The following ZCWPW2 variants were observed in gnomAD, a reference collection of about 807,000 sequenced individuals.
ZCWPW2 encodes the protein zinc finger CW-type and PWWP domain containing 2.
A neutral mutation model predicts 46.6 loss-of-function variants in ZCWPW2; 45 were observed. That is an observed-to-expected ratio of 0.96 (90% CI 0.76 to 1.24). ZCWPW2 has a LOEUF of 1.24. Among genes scored for constraint, ZCWPW2 ranks in the 50% most tolerant of loss-of-function variants. ZCWPW2 has a pLI of 0.00. For synonymous variants in ZCWPW2, 152 were observed against 137.1 expected (o/e 1.11, Z -0.76); for missense variants, 429 against 403.9 (o/e 1.06, Z -0.53).
At chr3:28,406,511 T>C (rs1208469131) in intron 2 of ZCWPW2, among the ~76,000 whole-genome samples, 2 of 152,216 alleles carry the variant, frequency 1.3e-5, no homozygotes, top group Non-Finnish European at 2.9e-5. Flanking sequence ...AACTACATCA[T>C]GACTTTGAGA....
At position 28,370,867 on chromosome 3, in the gene ZCWPW2, G is replaced by A. The variant is rs974826942; in HGVS notation, c.-133-19631G>A. 4.6e-4 allele frequency among the ~76,000 whole-genome samples: 70 copies of A among 151,994 alleles called. 1 individual carries two copies. The highest frequency in any genetic ancestry group is 7.5e-4 in the Non-Finnish European group (51 of 67,984). On this transcript the variant is annotated intron_variant, in intron 1 of 9. Coordinates refer to ENST00000383768, the MANE Select transcript of ZCWPW2 (RefSeq NM_001040432.4). Reference sequence around the variant, plus strand: ...CCTGCCTCAGCCTCCTGAGTAGCTGGGATTACAGGCATGCACCACCATGCC... The same window carrying A: ...CCTGCCTCAGCCTCCTGAGTAGCTGAGATTACAGGCATGCACCACCATGCC...
At chr3:28,472,617 A>T (rs1017069699) in intron 4 of ZCWPW2, among the ~76,000 whole-genome samples, 1 of 152,214 alleles carries the variant, frequency 6.6e-6, no homozygotes, top group Non-Finnish European at 1.5e-5. Context: ...CTATGAAACT[A>T]CTACAAGAAA....
intron 4 of ZCWPW2, among the ~76,000 whole-genome samples, chr3:28,475,945 C>G (rs745906533): frequency 1.3e-5 from 2 of 152,048 alleles, no homozygotes; most frequent in African/African-American, 2.4e-5. Flanking sequence ...TATATATTGT[C>G]TCTTCTCATA....
At chr3:28,405,396 T>C (rs1696119205) in intron 2 of ZCWPW2, among the ~76,000 whole-genome samples, 1 of 152,034 alleles carries the variant, frequency 6.6e-6, no homozygotes, top group Non-Finnish European at 1.5e-5. Flanking sequence ...AATGTGATAG[T>C]GGATTTAGGG....
intron 6 of ZCWPW2, among the ~76,000 whole-genome samples, chr3:28,511,929 A>T (rs1700437086): frequency 6.6e-6 from 1 of 152,026 alleles, no homozygotes; most frequent in Admixed American, 6.6e-5. Flanking sequence ...AAAAATTGTA[A>T]TTTTTTTCAT....
chr3:28,380,967 TATA>T (rs1309017156), intron 1 of ZCWPW2, among the ~76,000 whole-genome samples: 9 of 33,444 alleles, frequency 2.7e-4, no homozygotes, highest in African/African-American at 4.2e-4. Flanking sequence ...TATATATATA[TATA>T]TTTGGTATAT....
chr3:28,370,535 G>A (rs1705292633), intron 1 of ZCWPW2, among the ~76,000 whole-genome samples: 1 of 152,150 alleles, frequency 6.6e-6, no homozygotes, highest in South Asian at 2.1e-4. Context: ...ACTATTAGAA[G>A]TCATGATAAT....
At chr3:28,362,311 TAAA>T (rs35735071) in intron 1 of ZCWPW2, among the ~76,000 whole-genome samples, 1 of 151,824 alleles carries the variant, frequency 6.6e-6, no homozygotes, top group Non-Finnish European at 1.5e-5. Flanking sequence ...ATTATATTAT[TAAA>T]AAAATAGTTC....
chr3:28,368,720 G>A (rs1705210697), intron 1 of ZCWPW2, among the ~76,000 whole-genome samples: 1 of 152,096 alleles, frequency 6.6e-6, no homozygotes, highest in Admixed American at 6.6e-5. Context: ...TGCTAGATTG[G>A]GGAAGTTCTC....
intron 4 of ZCWPW2, among the ~76,000 whole-genome samples, chr3:28,462,188 C>T (rs542321255): frequency 6.6e-6 from 1 of 152,204 alleles, no homozygotes; most frequent in African/African-American, 2.4e-5. Context: ...AATAGCAAGA[C>T]AGAGAAGATA....
chr3:28,391,572 G>A (rs992029032), intron 2 of ZCWPW2, among the ~76,000 whole-genome samples: 3 of 152,158 alleles, frequency 2.0e-5, no homozygotes, highest in African/African-American at 7.2e-5. Flanking sequence ...CAAAAGAAGG[G>A]CAGGGGCTAC....
At chr3:28,517,062 A>C (rs189264589) in intron 8 of ZCWPW2, among the ~76,000 whole-genome samples, 110 of 152,320 alleles carry the variant, frequency 7.2e-4, no homozygotes, top group African/African-American at 2.5e-3. Flanking sequence ...AAGTAGGAAA[A>C]GTTTTAGACT....
In ZCWPW2 at chr3:28,515,606, T is replaced by A. The variant is rs1156766154; in HGVS notation, c.769T>A (p.Ser257Thr). ...AAATGTTTATTCTGATGATGCCTTA[T>A]CAAAGGAGAACAGGGGTATGTGAAA... ...FENVYSDDAL[S>T]KENRVVCETE... The change falls in exon 8 of 10, where the codon TCA becomes ACA. Residue 257 changes from serine to threonine, a missense_variant. Physicochemically the swap from Ser to Thr is moderately conservative, Grantham distance 58 (BLOSUM62 1). Transcript: ENST00000383768. 6.2e-7 allele frequency: 1 copy of A among 1,605,416 alleles called. No homozygotes were observed. The highest frequency in any genetic ancestry group is 8.5e-7 in the Non-Finnish European group (1 of 1,179,324).
At chr3:28,375,951 G>A (rs1705488624) in intron 1 of ZCWPW2, among the ~76,000 whole-genome samples, 1 of 131,882 alleles carries the variant, frequency 7.6e-6, no homozygotes, top group Admixed American at 8.2e-5. Flanking sequence ...TTCCATCCAT[G>A]TTGTTGCAAA....
intron 3 of ZCWPW2, among the ~76,000 whole-genome samples, chr3:28,426,724 A>G (rs1697028384): frequency 6.6e-6 from 1 of 152,170 alleles, no homozygotes. Flanking sequence ...TTCTTGGCAA[A>G]TATAATATTT....
intron 4 of ZCWPW2, among the ~76,000 whole-genome samples, chr3:28,442,890 T>C (rs988955615): frequency 6.6e-6 from 1 of 152,100 alleles, no homozygotes; most frequent in African/African-American, 2.4e-5. Context: ...CCTCCAGGGA[T>C]GTGATATTGT....
chr3:28,392,516 T>C (rs1221372251), intron 2 of ZCWPW2, among the ~76,000 whole-genome samples: 1 of 152,042 alleles, frequency 6.6e-6, no homozygotes, highest in Non-Finnish European at 1.5e-5. Flanking sequence ...AAAACACATA[T>C]CCTTCTCACA....
At chr3:28,384,203 T>C (rs1309036675) in intron 1 of ZCWPW2, among the ~76,000 whole-genome samples, 1 of 152,210 alleles carries the variant, frequency 6.6e-6, no homozygotes, top group African/African-American at 2.4e-5. Context: ...CAGTCTTCTT[T>C]CCTTGCTTTC....
intron 3 of ZCWPW2, among the ~76,000 whole-genome samples, chr3:28,431,417 C>A (rs1295728766): frequency 2.6e-5 from 4 of 152,008 alleles, no homozygotes; most frequent in African/African-American, 9.7e-5. Flanking sequence ...TTAAGACCCT[C>A]TTCTTGGCTT....
Sources: gnomAD v4.1 joint callset for allele counts (sites outside exome capture counted in the v4.1 genomes callset) on GRCh38, gnomAD v4.1.1 for gene constraint, MANE v1.5 for transcripts, NCBI Gene and HGNC (gene_info 2026-07-23, HGNC 2026-07-21) for gene names.